Variants in TMEM223 observed in about 807,000 individuals in gnomAD.
TMEM223 encodes the protein transmembrane protein 223.
TMEM223 carries 14 observed loss-of-function variants against 14.1 expected under a neutral mutation model. That is an observed-to-expected ratio of 0.99 (90% CI 0.66 to 1.55). The LOEUF is 1.55. TMEM223 is among the 40% of genes most tolerant of loss of function. The pLI is 0.00. For missense variants in TMEM223, 346 were observed against 269.9 expected, an observed-to-expected ratio of 1.28 and a Z score of -1.97; for synonymous variants, 145 against 120.5, an observed-to-expected ratio of 1.20 and a Z score of -1.33.
intron 1 of TMEM223, chr11:62,778,361 T>C (rs1353393072): frequency 1.2e-6 from 2 of 1,613,956 alleles, no homozygotes; most frequent in Non-Finnish European, 1.7e-6. Flanking sequence ...GGAAACAGGC[T>C]CTTTGGATGA....
downstream of TMEM223, chr11:62,771,619 C>G (rs1315669105): frequency 5.5e-6 from 1 of 180,366 alleles, no homozygotes; most frequent in African/African-American, 2.4e-5. Context: ...TCAGTGACCC[C>G]TGACCTCCTC....
downstream of TMEM223, among the ~76,000 whole-genome samples, chr11:62,783,960 T>A (rs1321391278): frequency 1.8e-5 from 2 of 112,792 alleles, no homozygotes; most frequent in East Asian, 5.1e-4. Context: ...TTTTTGTTTT[T>A]TTGAGATGGA....
downstream of TMEM223, chr11:62,789,855 C>T (rs2084337598): frequency 1.2e-6 from 2 of 1,602,748 alleles, no homozygotes; most frequent in Non-Finnish European, 1.7e-6. Flanking sequence ...AATGGTCCCA[C>T]TCCTGACGAT....
downstream of TMEM223, chr11:62,786,829 C>G (rs200047501): frequency 7.7e-4 from 1,232 of 1,603,510 alleles, no homozygotes; most frequent in Non-Finnish European, 9.6e-4. Flanking sequence ...GGCTCCGCGG[C>G]CGCCCGGGGA....
intron 2 of TMEM223, among the ~76,000 whole-genome samples, chr11:62,774,286 C>T (rs1356912143): frequency 5.3e-5 from 8 of 152,116 alleles, no homozygotes; most frequent in Non-Finnish European, 1.0e-4. Flanking sequence ...CCGTGTTAAC[C>T]AGGATGGTCT....
At chr11:62,778,122 G>A (rs770845274) in intron 1 of TMEM223, 1 of 1,614,194 alleles carries the variant, frequency 6.2e-7, no homozygotes, top group South Asian at 1.1e-5. Flanking sequence ...TGAGACAGCT[G>A]TCAGAGGTGG....
At chr11:62,789,962 C>G, downstream of TMEM223, 1 of 1,614,068 alleles carries the variant, frequency 6.2e-7, no homozygotes, top group Non-Finnish European at 8.5e-7. Context: ...TCTGAAGCCA[C>G]CCCATACCGG....
chr11:62,789,969 C>T, downstream of TMEM223: 4 of 1,614,122 alleles, frequency 2.5e-6, no homozygotes, highest in African/African-American at 1.3e-5. Flanking sequence ...CCACCCCATA[C>T]CGGCCTCTGG....
chr11:62,787,347 G>T, downstream of TMEM223: 1 of 1,531,796 alleles, frequency 6.5e-7, no homozygotes, highest in Non-Finnish European at 8.7e-7. Flanking sequence ...CGGAAATGAC[G>T]TCTCCACCTT....
chr11:62,791,137 T>A (rs1281316962), intron 1 of TMEM223, among the ~76,000 whole-genome samples: 1 of 152,112 alleles, frequency 6.6e-6, no homozygotes, highest in African/African-American at 2.4e-5. Flanking sequence ...CCTTAATAGA[T>A]GTCCGTTTCC....
In TMEM223 at chr11:62,790,531, G is replaced by C; in HGVS notation, c.*92C>G. 2.4e-6 allele frequency: 3 copies of C among 1,257,166 alleles called. No individual in the cohort carries two copies. Among genetic ancestry groups the C allele is most frequent in the Non-Finnish European group, 3.3e-6 (3 of 910,752 alleles). The allele number at this position is 1,257,166 out of a possible 1,614,324, so 77.9% of individuals were successfully genotyped here. ...CCTGCCTCACCCTCCCAAAGTGCTGGGATTACAACAGGTGTGAACCAACAC... is the reference window on the plus strand; with the variant it reads ...CCTGCCTCACCCTCCCAAAGTGCTGCGATTACAACAGGTGTGAACCAACAC... On this transcript the variant is annotated 3_prime_UTR_variant, in exon 2 of 2. Transcript: ENST00000307366.
chr11:62,771,866 C>G, exon 3 of TMEM223: 2 of 305,480 alleles, frequency 6.5e-6, no homozygotes, highest in South Asian at 5.3e-5. Flanking sequence ...GGACTAAATG[C>G]TCCCATTTTA....
downstream of TMEM223, chr11:62,782,925 C>T: frequency 6.6e-7 from 1 of 1,515,276 alleles, no homozygotes; most frequent in Non-Finnish European, 8.9e-7. Context: ...GTGTGCCTGC[C>T]ACTGCCATGT....
chr11:62,784,961 ATTTC>A (rs2084259369), downstream of TMEM223, among the ~76,000 whole-genome samples: 1 of 152,050 alleles, frequency 6.6e-6, no homozygotes, highest in Non-Finnish European at 1.5e-5. Flanking sequence ...TGTGGGGAGT[ATTTC>A]TTTTTTATAT....
downstream of TMEM223, among the ~76,000 whole-genome samples, chr11:62,784,080 C>T (rs1260501212): frequency 2.1e-5 from 3 of 140,474 alleles, no homozygotes; most frequent in Non-Finnish European, 4.7e-5. Flanking sequence ...CCTCCACCTC[C>T]CGGGTTCAAG....
downstream of TMEM223, chr11:62,787,783 G>A (rs2084305863): frequency 2.9e-6 from 2 of 680,738 alleles, no homozygotes; most frequent in Non-Finnish European, 2.7e-6. Context: ...AGGTGGAGTC[G>A]GGTTTCGTGG....
In TMEM223 at chr11:62,775,805, C is replaced by A. The variant is rs749042287; in HGVS notation, c.315-1140G>T. 1.9e-6 allele frequency: 3 copies of A among 1,610,654 alleles called. No individual in the cohort carries two copies. The highest frequency in any genetic ancestry group is 2.5e-6 in the Non-Finnish European group (3 of 1,179,754). ...GGCCATGTCAGAGCGAGAAGAGCGG[C>A]GGTTTGTGGAGATCCCTCGGGAGTC... On this transcript the variant is annotated intron_variant, in intron 1 of 2. Coordinates refer to the TMEM223 transcript ENST00000528367.
downstream of TMEM223, among the ~76,000 whole-genome samples, chr11:62,788,682 A>G (rs1437996683): frequency 6.6e-6 from 1 of 151,748 alleles, no homozygotes; most frequent in African/African-American, 2.4e-5. Flanking sequence ...CCAGCAAAAA[A>G]AAAAAAAAAA....
chr11:62,778,937 C>G, intron 1 of TMEM223: 1 of 1,613,822 alleles, frequency 6.2e-7, no homozygotes, highest in East Asian at 2.2e-5. Flanking sequence ...TCGTGCTGTG[C>G]TAGGGGATGA....
Sources: allele counts gnomAD v4.1 joint callset (sites outside exome capture counted in the v4.1 genomes callset), GRCh38; gene constraint gnomAD v4.1.1; transcripts MANE v1.5; gene names NCBI Gene and HGNC (gene_info 2026-07-23, HGNC 2026-07-21).